PRKDC: variants seen among roughly 807,000 people sequenced by gnomAD.
PRKDC encodes protein kinase, DNA-activated, catalytic subunit, also known as DNA-dependent protein kinase catalytic subunit.
In PRKDC, 82 loss-of-function variants were observed where a neutral mutation model predicts 486.9. That is an observed-to-expected ratio of 0.17 (90% CI 0.14 to 0.20). The LOEUF (loss-of-function observed/expected upper bound fraction) is 0.20. Ranked by LOEUF, PRKDC falls within the 10% of genes least tolerant of loss-of-function variation. The probability of loss-of-function intolerance (pLI) is 1.00; values close to 1 mark genes in which losing one functional copy is unlikely to be tolerated. For synonymous variants in PRKDC, 1,895 were observed against 1,837.0 expected (o/e 1.03, Z -0.81); for missense variants, 4,504 against 5,038.2 (o/e 0.89, Z 3.21).
Position 47,929,193 on chromosome 8 carries a change from A to G in PRKDC, c.2053-15T>C. 1 of 1,513,608 alleles carries G rather than the reference A, an allele frequency of 6.6e-7. No individual in the cohort carries two copies. The highest frequency in any genetic ancestry group is 1.9e-5 in the Admixed American group (1 of 52,194). 93.8% of individuals were successfully genotyped at this position (1,513,608 alleles called of 1,614,324 possible). A position where few individuals can be genotyped will look rare whatever the true frequency, so the allele number is the denominator to read the frequency against. On this transcript the variant is annotated splice_polypyrimidine_tract_variant and intron_variant, in intron 18 of 85. Transcript: ENST00000314191. ...GGACTAACTCCCTGTCAAATAAAAC[A>G]GCAAGTTAGTACACTGAACAAGAAT...
chr8:47,827,118 T>TCACACACACACACACACA (rs61385951), intron 62 of PRKDC, among the ~76,000 whole-genome samples: 1 of 128,146 alleles, frequency 7.8e-6, no homozygotes, highest in Non-Finnish European at 1.7e-5. Context: ...AATATGAAGA[T>TCACACACACACACACACA]CACACACACA....
Position 47,849,404 on chromosome 8 carries a change from T to C in PRKDC, c.7105A>G (p.Lys2369Glu), listed in dbSNP as rs759444202. The part of the protein sequence containing the change: ...KFIVCLNKVT[K>E]SFPPLADRFM... ...CTGTCTGCAAGAGGAGGGAAGCTCTTGGTCACTTTGTTCAAGCACACAATA... is the reference window on the plus strand; with the variant it reads ...CTGTCTGCAAGAGGAGGGAAGCTCTCGGTCACTTTGTTCAAGCACACAATA... Residue 2369 changes from lysine to glutamate, a missense_variant, in exon 53 of 86, where the codon AAG becomes GAG. Physicochemically the swap from Lys to Glu is moderately conservative, Grantham distance 56 (BLOSUM62 1). This residue lies in a region of PRKDC where 1,592 missense variants were observed against 1,724.6 expected (regional missense o/e 0.92). Transcript: ENST00000314191. 3.1e-6 allele frequency: 5 copies of C among 1,614,034 alleles called. No individual in the cohort carries two copies. The highest frequency in any genetic ancestry group is 4.2e-6 in the Non-Finnish European group (5 of 1,179,904).
chr8:47,904,758 A>G, intron 26 of PRKDC, 111 bp downstream of exon 26: 1 of 819,306 alleles, frequency 1.2e-6, no homozygotes, highest in Admixed American at 2.7e-5. Flanking sequence ...GTGCCACTGC[A>G]TTCCAGCCTG....
intron 48 of PRKDC, 106 bp from the exon 49 acceptor site, chr8:47,857,405 A>C (rs2088568018): frequency 1.6e-6 from 2 of 1,267,772 alleles, no homozygotes; most frequent in Non-Finnish European, 2.1e-6. Context: ...CTATGACTGG[A>C]CCTAAAGCCA....
At chr8:47,919,542 C>A (rs966752801) in intron 21 of PRKDC, among the ~76,000 whole-genome samples, 1 of 152,212 alleles carries the variant, frequency 6.6e-6, no homozygotes, top group Non-Finnish European at 1.5e-5. Context: ...GTGAGCTGCG[C>A]CGCGGGAGGG....
At position 47,953,702 on chromosome 8, in the gene PRKDC, T is replaced by A. The variant is rs1477601661; in HGVS notation, c.639A>T (p.Arg213Ser). 1 of 1,612,822 alleles carries A rather than the reference T, an allele frequency of 6.2e-7. No homozygotes were observed. The highest frequency in any genetic ancestry group is 8.5e-7 in the Non-Finnish European group (1 of 1,179,436). Residue 213 changes from arginine (R) to serine (S), a missense_variant, in exon 7 of 86, where the codon AGA (arginine) becomes AGT (serine). Arg to Ser is a moderately radical substitution (Grantham distance 110). Coordinates refer to ENST00000314191, the MANE Select transcript of PRKDC (RefSeq NM_006904.7). ...ELKTQMTSAV[R>S]EPKLPVLAGC... is the part of the protein sequence containing the mutation. ...CTGCCAGAACAGGTAGTTTGGGCTC[T>A]CTTACTGCTGATGTCATCTAAAAGA... is the stretch of plus-strand genomic sequence containing the variant.
chr8:47,862,285 T>C, intron 43 of PRKDC, 88 bp downstream of exon 43: 2 of 1,426,234 alleles, frequency 1.4e-6, no homozygotes, highest in Non-Finnish European at 1.9e-6. Flanking sequence ...TAATATAAGA[T>C]GGTATAAATT....
Position 47,939,714 on chromosome 8 carries a change from T to C in PRKDC, c.967-17A>G. 6.5e-7 allele frequency: 1 copy of C among 1,549,840 alleles called. No individual in the cohort carries two copies. The highest frequency in any genetic ancestry group is 8.7e-7 in the Non-Finnish European group (1 of 1,144,558). The stretch of plus-strand genomic sequence containing the variant: ...ATTAGAAACCTGCAAATACATAATA[T>C]TTATTTTTTTGGAAATATTTAATAG... On this transcript the variant is annotated splice_polypyrimidine_tract_variant and intron_variant, in intron 10 of 85. Coordinates refer to ENST00000314191, the MANE Select transcript of PRKDC (RefSeq NM_006904.7).
At chr8:47,934,222 C>T in intron 14 of PRKDC, 132 bp from the exon 15 acceptor site, 1 of 1,077,034 alleles carries the variant, frequency 9.3e-7, no homozygotes. Flanking sequence ...TTAAGGAAGA[C>T]ATCGTATTAA....
chr8:47,815,081 G>C (rs2087415230), intron 68 of PRKDC, among the ~76,000 whole-genome samples: 1 of 152,136 alleles, frequency 6.6e-6, no homozygotes, highest in Non-Finnish European at 1.5e-5. Context: ...TGGGAGGACT[G>C]CTTAAACCTG....
At chr8:47,806,194 T>C (rs974789238) in intron 69 of PRKDC, among the ~76,000 whole-genome samples, 4 of 152,318 alleles carry the variant, frequency 2.6e-5, no homozygotes, top group Non-Finnish European at 5.9e-5. Context: ...ACCAGTGCTG[T>C]TGTCATCATG....
At chr8:47,814,812 A>G (rs894722109) in intron 68 of PRKDC, among the ~76,000 whole-genome samples, 1 of 152,238 alleles carries the variant, frequency 6.6e-6, no homozygotes, top group African/African-American at 2.4e-5. Flanking sequence ...ACAAATTGAC[A>G]AGCAGATTCT....
At chr8:47,868,250 G>A (rs918574928) in intron 40 of PRKDC, among the ~76,000 whole-genome samples, 23 of 152,030 alleles carry the variant, frequency 1.5e-4, no homozygotes, top group Non-Finnish European at 7.4e-5. Context: ...TGAACTACTG[G>A]TACAATTTCT....
chr8:47,912,436 G>A lies in PRKDC; in HGVS notation c.2908C>T (p.Leu970Phe). 1.3e-6 allele frequency: 2 copies of A among 1,599,332 alleles called. No individual in the cohort carries two copies. Among genetic ancestry groups the A allele is most frequent in the South Asian group, 1.1e-5 (1 of 88,778 alleles). Reference protein sequence around the residue: ...QLYKRTFPVLLRLACDVDQVT... With the variant: ...QLYKRTFPVLFRLACDVDQVT... ...TGATCAACATCACACGCAAGTCGAA[G>A]CAGCACAGGAAACGTCCGCTTATAG... Residue 970 changes from leucine (L) to phenylalanine (F), a missense_variant, in exon 25 of 86, where the codon CTT becomes TTT. Physicochemically the swap from Leu to Phe is conservative, Grantham distance 22. Around this residue, in one of 6 missense-constraint regions of PRKDC, gnomAD observed 1,969 missense variants for 2,068.9 expected, o/e 0.95. Coordinates refer to ENST00000314191, the MANE Select transcript of PRKDC (RefSeq NM_006904.7).
intron 83 of PRKDC, 52 bp from the exon 84 acceptor site, chr8:47,777,926 G>A: frequency 2.6e-6 from 4 of 1,534,338 alleles, no homozygotes; most frequent in Non-Finnish European, 3.6e-6. Flanking sequence ...AACTCTCAAA[G>A]TACCGAGCAC....
chr8:47,791,406 C>T (rs1253783427), intron 74 of PRKDC, among the ~76,000 whole-genome samples: 4 of 152,076 alleles, frequency 2.6e-5, no homozygotes, highest in African/African-American at 7.2e-5. Flanking sequence ...ACCCGGGAGG[C>T]GCAGGTTGCA....
At chr8:47,784,356 T>G (rs181088573) in intron 77 of PRKDC, among the ~76,000 whole-genome samples, 8 of 152,306 alleles carry the variant, frequency 5.3e-5, no homozygotes, top group African/African-American at 1.7e-4. Flanking sequence ...AAATGATGCA[T>G]TGACTAGAAC....
At chr8:47,774,968 G>A (rs950939364) in intron 85 of PRKDC, among the ~76,000 whole-genome samples, 1 of 151,838 alleles carries the variant, frequency 6.6e-6, no homozygotes, top group Non-Finnish European at 1.5e-5. Flanking sequence ...GTGGTGGCTC[G>A]CCTGAGGTCA....
chr8:47,809,567 CAG>C (rs1295626534), intron 68 of PRKDC, among the ~76,000 whole-genome samples: 3 of 152,108 alleles, frequency 2.0e-5, no homozygotes, highest in African/African-American at 7.2e-5. Flanking sequence ...GAGTCCCAGA[CAG>C]AGGGAACAAA....
Sources: gnomAD v4.1 joint callset for allele counts (sites outside exome capture counted in the v4.1 genomes callset) on GRCh38, gnomAD v4.1.1 for gene constraint, gnomAD v4.1.1 regional missense constraint, MANE v1.5 for transcripts, NCBI Gene and HGNC (gene_info 2026-07-23, HGNC 2026-07-21) for gene names.